The following FARP1 variants were observed in gnomAD, a reference collection of about 807,000 sequenced individuals.
The protein encoded by FARP1 is FERM, ARHGEF and pleckstrin domain-containing protein 1.
A neutral mutation model predicts 128.8 loss-of-function variants in FARP1; 52 were observed. That is an observed-to-expected ratio of 0.40 (90% CI 0.32 to 0.51). The LOEUF is 0.51. FARP1 is among the 20% of genes least tolerant of loss of function. The probability of loss-of-function intolerance (pLI) is 0.45; values close to 1 mark genes in which losing one functional copy is unlikely to be tolerated. For synonymous variants in FARP1, 580 were observed against 551.8 expected, an observed-to-expected ratio of 1.05 and a Z score of -0.72; for missense variants, 1,333 against 1,367.9, an observed-to-expected ratio of 0.97 and a Z score of 0.40.
intron 9 of FARP1, among the ~76,000 whole-genome samples, chr13:98,388,935 T>C (rs572893133): frequency 6.6e-6 from 1 of 152,332 alleles, no homozygotes; most frequent in East Asian, 1.9e-4. Flanking sequence ...CTTCCCCACT[T>C]ACTTCCCACA....
intron 13 of FARP1, chr13:98,405,931 A>G (rs372355847): frequency 7.9e-5 from 12 of 152,350 alleles, no homozygotes; most frequent in African/African-American, 2.9e-4. Context: ...TGCAAGGTGT[A>G]AACAAGCTTT....
chr13:98,275,897 C>A (rs149142569), intron 2 of FARP1, among the ~76,000 whole-genome samples: 76 of 152,248 alleles, frequency 5.0e-4, no homozygotes, highest in Non-Finnish European at 9.0e-4. Context: ...TTTCTTAATG[C>A]ATTTTTGAAG....
At chr13:98,279,606 C>T (rs1884834853) in intron 2 of FARP1, among the ~76,000 whole-genome samples, 1 of 152,154 alleles carries the variant, frequency 6.6e-6, no homozygotes, top group Admixed American at 6.5e-5. Flanking sequence ...TGGCTAGTGC[C>T]CGCCCCAGTG....
In FARP1 at chr13:98,176,286, T is replaced by G; in HGVS notation, c.-24+32794T>G. The stretch of plus-strand genomic sequence containing the variant: ...TGAAATGGGACTTGCCCCCACCTTC[T>G]GCAGCCTGAAGCTTTTGCAGTTTCG... On this transcript the variant is annotated intron_variant, in intron 1 of 26. Coordinates refer to ENST00000319562, the MANE Select transcript of FARP1 (RefSeq NM_005766.4). This position sits in a 1 kb window ranked among gnomAD's most constrained non-coding sequence, Gnocchi z 6.2. 1.2e-6 allele frequency: 2 copies of G among 1,612,434 alleles called. No homozygotes were observed. The highest frequency in any genetic ancestry group is 1.7e-6 in the Non-Finnish European group (2 of 1,178,840).
At chr13:98,235,190 C>T (rs112850890) in intron 2 of FARP1, among the ~76,000 whole-genome samples, 6,066 of 152,164 alleles carry the variant, frequency 0.04, 375 homozygotes, top group African/African-American at 0.14. Flanking sequence ...TTTTACACCC[C>T]TGAACACCTT....
intron 2 of FARP1, chr13:98,234,201 G>C (rs939220720): frequency 2.0e-5 from 3 of 152,138 alleles, no homozygotes; most frequent in Admixed American, 1.3e-4. Flanking sequence ...TGTTACCCAG[G>C]GGCTTCCTCT....
At chr13:98,282,210 G>T (rs1356349914) in intron 2 of FARP1, among the ~76,000 whole-genome samples, 1 of 152,096 alleles carries the variant, frequency 6.6e-6, no homozygotes, top group Non-Finnish European at 1.5e-5. Context: ...AGGCTGAGGT[G>T]GAAGGGTCAC....
At chr13:98,281,987 AC>A (rs1332547839) in intron 2 of FARP1, among the ~76,000 whole-genome samples, 1 of 152,188 alleles carries the variant, frequency 6.6e-6, no homozygotes, top group African/African-American at 2.4e-5. Context: ...TCAGCCGAGT[AC>A]TTTACTCCTT....
At chr13:98,392,394 G>A (rs7993969) in intron 11 of FARP1, among the ~76,000 whole-genome samples, 12,398 of 150,532 alleles carry the variant, frequency 0.082, 602 homozygotes, top group Non-Finnish European at 0.098. Flanking sequence ...CAGCTACTTG[G>A]GAGGCTGAGG....
At chr13:98,209,796 CAAAAAAAAAAAAAAAAAAAAAAAA>C (rs71111935) in intron 1 of FARP1, among the ~76,000 whole-genome samples, 2 of 49,364 alleles carry the variant, frequency 4.1e-5, no homozygotes, top group African/African-American at 1.7e-4. Flanking sequence ...AACTGTGTCT[CAAAAAAAAAAAAAAAAAAAAAAAA>C]AAAAAAAAAG....
At chr13:98,259,123 A>G (rs1883752226) in intron 2 of FARP1, among the ~76,000 whole-genome samples, 1 of 152,024 alleles carries the variant, frequency 6.6e-6, no homozygotes, top group Non-Finnish European at 1.5e-5. Flanking sequence ...AGGTGGGAGG[A>G]TTGCTCGAGC....
chr13:98,263,501 C>T (rs551208048), intron 2 of FARP1, among the ~76,000 whole-genome samples: 4 of 152,212 alleles, frequency 2.6e-5, no homozygotes, highest in African/African-American at 9.6e-5. Flanking sequence ...CAAGACTGTT[C>T]TCAAAAGAGA....
intron 2 of FARP1, among the ~76,000 whole-genome samples, chr13:98,295,810 T>A (rs1300629262): frequency 2.0e-5 from 3 of 152,220 alleles, no homozygotes. Flanking sequence ...GATAAAGAAT[T>A]GTATCTGGAA....
At chr13:98,233,259 T>C (rs1218762048) in intron 2 of FARP1, among the ~76,000 whole-genome samples, 1 of 152,262 alleles carries the variant, frequency 6.6e-6, no homozygotes, top group Non-Finnish European at 1.5e-5. Context: ...ATGATATCCA[T>C]GGCTAGTCAC....
chr13:98,172,157 T>C (rs1156379874), intron 1 of FARP1, among the ~76,000 whole-genome samples: 4 of 152,006 alleles, frequency 2.6e-5, no homozygotes, highest in Non-Finnish European at 5.9e-5. Flanking sequence ...GTATGAGAAT[T>C]CTAGTTCTGA....
At chr13:98,200,934 A>G (rs1489131726) in intron 1 of FARP1, among the ~76,000 whole-genome samples, 1 of 152,142 alleles carries the variant, frequency 6.6e-6, no homozygotes, top group East Asian at 1.9e-4. Context: ...ATAGTTGTAT[A>G]TATTTTTGAG....
In FARP1 at chr13:98,176,891, G is replaced by A; in HGVS notation, c.-24+33399G>A. ...GTATGGTGCTCCTTCTCGGTGTCCT[G>A]CTCGAAGTCAGCGGTGGCCCCCATG... On this transcript the variant is annotated intron_variant, in intron 1 of 26. Transcript: ENST00000319562. The surrounding 1 kb of genome is among the most constrained non-coding windows in gnomAD (Gnocchi z 6.2). The A allele has an allele frequency of 6.2e-7, 1 of 1,606,390 alleles. No individual in the cohort carries two copies. The highest frequency in any genetic ancestry group is 8.5e-7 in the Non-Finnish European group (1 of 1,179,918).
chr13:98,186,085 C>A (rs1878847851), intron 1 of FARP1, among the ~76,000 whole-genome samples: 1 of 152,140 alleles, frequency 6.6e-6, no homozygotes, highest in Non-Finnish European at 1.5e-5. Flanking sequence ...CATCATCTAT[C>A]TGCAGAACGT....
At chr13:98,317,240 T>G (rs1472224417) in intron 2 of FARP1, among the ~76,000 whole-genome samples, 1 of 152,208 alleles carries the variant, frequency 6.6e-6, no homozygotes, top group Non-Finnish European at 1.5e-5. Context: ...AATCTCATTT[T>G]TAAAAATTGC....
Sources: gnomAD v4.1 joint callset for allele counts (sites outside exome capture counted in the v4.1 genomes callset) on GRCh38, gnomAD v4.1.1 for gene constraint, Gnocchi (gnomAD v3.1) non-coding constraint, MANE v1.5 for transcripts, NCBI Gene and HGNC (gene_info 2026-07-23, HGNC 2026-07-21) for gene names.